RALGAPA2: variants seen among roughly 807,000 people sequenced by gnomAD.
RALGAPA2 encodes ral GTPase-activating protein subunit alpha-2.
A neutral mutation model predicts 230.4 loss-of-function variants in RALGAPA2; 139 were observed. That is an observed-to-expected ratio of 0.60 (90% CI 0.53 to 0.69). The LOEUF is 0.69. RALGAPA2 is among the 30% of genes least tolerant of loss of function. The pLI is 0.00. For synonymous variants in RALGAPA2, 847 were observed against 837.8 expected, an observed-to-expected ratio of 1.01 and a Z score of -0.19; for missense variants, 2,163 against 2,276.0, an observed-to-expected ratio of 0.95 and a Z score of 1.01.
chr20:20,543,947 A>C (rs1256250798), intron 24 of RALGAPA2, among the ~76,000 whole-genome samples: 1 of 151,648 alleles, frequency 6.6e-6, no homozygotes, highest in African/African-American at 2.4e-5. Flanking sequence ...AAAAGAAAAA[A>C]CAAACAAACA....
intron 1 of RALGAPA2, among the ~76,000 whole-genome samples, chr20:20,696,213 TCTTC>T (rs1364665018): frequency 6.6e-6 from 1 of 152,176 alleles, no homozygotes; most frequent in Non-Finnish European, 1.5e-5. Flanking sequence ...CCTGTCCCCA[TCTTC>T]CTTAACACCT....
chr20:20,550,772 G>C (rs1214585000), intron 23 of RALGAPA2, among the ~76,000 whole-genome samples: 1 of 152,176 alleles, frequency 6.6e-6, no homozygotes, highest in Non-Finnish European at 1.5e-5. Flanking sequence ...TAATGGGATA[G>C]GAGATAAGAA....
chr20:20,541,851 G>A (rs1249404720), intron 24 of RALGAPA2, among the ~76,000 whole-genome samples: 1 of 152,098 alleles, frequency 6.6e-6, no homozygotes, highest in Non-Finnish European at 1.5e-5. Flanking sequence ...TCTCTAGGAA[G>A]GGCTCCAACA....
At chr20:20,597,496 G>A (rs546662439) in intron 16 of RALGAPA2, among the ~76,000 whole-genome samples, 100 of 152,162 alleles carry the variant, frequency 6.6e-4, no homozygotes, top group African/African-American at 2.3e-3. Context: ...ATCAGAGAAC[G>A]TAAGCTTTCA....
At chr20:20,468,247 C>G (rs2061462767) in intron 37 of RALGAPA2, among the ~76,000 whole-genome samples, 1 of 152,182 alleles carries the variant, frequency 6.6e-6, no homozygotes, top group South Asian at 2.1e-4. Flanking sequence ...TATGTCAGAG[C>G]TGATATCAAG....
chr20:20,697,752 C>T (rs1480655603), intron 1 of RALGAPA2, among the ~76,000 whole-genome samples: 1 of 152,164 alleles, frequency 6.6e-6, no homozygotes, highest in Non-Finnish European at 1.5e-5. Flanking sequence ...ACCACCACAC[C>T]TGTACCTGGC....
At chr20:20,663,780 C>T (rs556313699) in intron 3 of RALGAPA2, among the ~76,000 whole-genome samples, 4 of 152,184 alleles carry the variant, frequency 2.6e-5, no homozygotes, top group East Asian at 1.9e-4. Flanking sequence ...TTAGTACAGA[C>T]GAGGTTTCAC....
At chr20:20,447,890 A>G (rs1235765168) in intron 37 of RALGAPA2, among the ~76,000 whole-genome samples, 1 of 152,178 alleles carries the variant, frequency 6.6e-6, no homozygotes. Flanking sequence ...TCCCTGATGC[A>G]TGCAATTCTA....
rs2059582691 is a variant in RALGAPA2, at chr20:20,390,252, A to G, written c.*3037T>C. On this transcript the variant is annotated 3_prime_UTR_variant, in exon 40 of 40. Coordinates refer to ENST00000202677, the MANE Select transcript of RALGAPA2 (RefSeq NM_020343.4). ...GCTTGTAAGGCTGAGGGTCTGATCA[A>G]TCAACCTATGTCACCAAGTTTGGGT... The G allele has an allele frequency of 6.6e-6, 1 of 152,190 alleles. No homozygotes were observed. The highest frequency in any genetic ancestry group is 2.1e-4 in the South Asian group (1 of 4,828). 9.4% of individuals were successfully genotyped at this position (152,190 alleles called of 1,614,324 possible). A position where few individuals can be genotyped will look rare whatever the true frequency, so the allele number is the denominator to read the frequency against.
intron 38 of RALGAPA2, among the ~76,000 whole-genome samples, chr20:20,403,635 T>C (rs1176859621): frequency 6.6e-6 from 1 of 152,202 alleles, no homozygotes; most frequent in Non-Finnish European, 1.5e-5. Context: ...CGAAGCTGCA[T>C]GCCCAGATGT....
intron 20 of RALGAPA2, among the ~76,000 whole-genome samples, chr20:20,582,173 T>C (rs530672567): frequency 6.6e-6 from 1 of 151,326 alleles, no homozygotes; most frequent in Admixed American, 6.6e-5. Context: ...TGTGTGTGTG[T>C]GTGTGTGTGT....
rs2060074578 is a variant in RALGAPA2 at position 20,412,120 on chromosome 20, C to T, written c.5524G>A (p.Ala1842Thr). The T allele has an allele frequency of 6.2e-7, 1 of 1,613,802 alleles. No homozygotes were observed. Among genetic ancestry groups the T allele is most frequent in the Admixed American group, 1.7e-5 (1 of 60,010 alleles). Reference sequence around the variant, plus strand: ...ACTTCGCGGTGGTTCTGAATTATTGCTTCGAGATACAGAGCTCGCTCTTCA... The same window carrying T: ...ACTTCGCGGTGGTTCTGAATTATTGTTTCGAGATACAGAGCTCGCTCTTCA... Reference protein sequence around the residue: ...FYEERALYLEAIIQNHREVMT... With the variant: ...FYEERALYLETIIQNHREVMT... The change falls in exon 38 of 40, where the codon GCA (alanine) becomes ACA (threonine). Residue 1842 changes from alanine to threonine, a missense_variant. Physicochemically the swap from Ala to Thr is moderately conservative, Grantham distance 58. Coordinates refer to ENST00000202677, the MANE Select transcript of RALGAPA2 (RefSeq NM_020343.4).
rs753090468 is a variant in RALGAPA2 at position 20,536,723 on chromosome 20, T to G, written c.3347A>C (p.Gln1116Pro). ...CACTGACTGCAGTAAAGGAATCTCC[T>G]GGTAGGTATTTGGAAAGCAGACCAG... is the stretch of plus-strand genomic sequence containing the variant. ...GSLVCFPNTY[Q>P]EIPLLQSVPE... The change falls in exon 25 of 40, where the codon CAG becomes CCG. Residue 1116 changes from glutamine (Q) to proline (P), a missense_variant. By Grantham distance (76) the Gln-to-Pro change is moderately conservative (BLOSUM62 -1). Coordinates refer to ENST00000202677, the MANE Select transcript of RALGAPA2 (RefSeq NM_020343.4). 6.2e-7 allele frequency: 1 copy of G among 1,613,200 alleles called. No homozygotes were observed. Among genetic ancestry groups the G allele is most frequent in the Non-Finnish European group, 8.5e-7 (1 of 1,179,328 alleles).
chr20:20,530,737 A>T (rs921875347), intron 27 of RALGAPA2, among the ~76,000 whole-genome samples: 3 of 152,108 alleles, frequency 2.0e-5, no homozygotes, highest in African/African-American at 7.2e-5. Context: ...TCAGGGGTTG[A>T]ACTTTGGCTC....
rs1350637009 is a variant in RALGAPA2 at position 20,437,083 on chromosome 20, A to T, written c.5496-24935T>A. On this transcript the variant is annotated intron_variant, in intron 37 of 39. Transcript: ENST00000202677. This position sits in a 1 kb window ranked among gnomAD's most constrained non-coding sequence, Gnocchi z 4.1. ...TCTGCACAATGGCATCTGAACACAA[A>T]CCATCTGTTCACATGGGAATACATA... Among the ~76,000 whole-genome samples, 1 of 152,050 alleles carries T rather than the reference A, an allele frequency of 6.6e-6. No homozygotes were observed. The highest frequency in any genetic ancestry group is 1.5e-5 in the Non-Finnish European group (1 of 68,006).
chr20:20,710,159 TA>T (rs542743957), intron 1 of RALGAPA2, among the ~76,000 whole-genome samples: 12 of 151,544 alleles, frequency 7.9e-5, no homozygotes, highest in Admixed American at 7.2e-4. Context: ...TTTGCATACT[TA>T]AAAAAAAACT....
intron 1 of RALGAPA2, among the ~76,000 whole-genome samples, chr20:20,703,216 T>G (rs1478539172): frequency 6.6e-6 from 1 of 152,030 alleles, no homozygotes; most frequent in Non-Finnish European, 1.5e-5. Flanking sequence ...TAGCTGTGGC[T>G]TCAGTTTCTA....
At chr20:20,633,237 C>T (rs978886116) in intron 9 of RALGAPA2, among the ~76,000 whole-genome samples, 8 of 152,052 alleles carry the variant, frequency 5.3e-5, no homozygotes, top group Non-Finnish European at 8.8e-5. Flanking sequence ...CAGGTTCAAG[C>T]GATTCTCCTG....
chr20:20,583,976 G>A (rs533188997), intron 19 of RALGAPA2, among the ~76,000 whole-genome samples: 70 of 152,196 alleles, frequency 4.6e-4, no homozygotes, highest in Admixed American at 9.2e-4. Context: ...CTAATCTGCT[G>A]TCCTCTATTT....
Sources: gnomAD v4.1 joint callset for allele counts (sites outside exome capture counted in the v4.1 genomes callset) on GRCh38, gnomAD v4.1.1 for gene constraint, Gnocchi (gnomAD v3.1) non-coding constraint, MANE v1.5 for transcripts, NCBI Gene and HGNC (gene_info 2026-07-23, HGNC 2026-07-21) for gene names.